Variants in SGIP1 observed in about 807,000 individuals in gnomAD.
SGIP1 encodes the protein SH3-containing GRB2-like protein 3-interacting protein 1.
SGIP1 carries 38 observed loss-of-function variants against 107.5 expected under a neutral mutation model. The observed-to-expected ratio is 0.35, with a 90% CI of 0.27 to 0.46. SGIP1 has a LOEUF of 0.46. Among genes scored for constraint, SGIP1 ranks in the 20% least tolerant of loss-of-function variants. The pLI is 1.00. For synonymous variants in SGIP1, 365 were observed against 366.1 expected (o/e 1.00, Z 0.03); for missense variants, 929 against 1,019.5 (o/e 0.91, Z 1.21).
chr1:66,664,751 A>G (rs1021667942), intron 8 of SGIP1, among the ~76,000 whole-genome samples: 4 of 152,218 alleles, frequency 2.6e-5, no homozygotes, highest in Non-Finnish European at 5.9e-5. Flanking sequence ...TTTGGGAGGT[A>G]GCCTCTGGTG....
At chr1:66,620,942 A>G (rs1342721780) in intron 1 of SGIP1, among the ~76,000 whole-genome samples, 1 of 152,192 alleles carries the variant, frequency 6.6e-6, no homozygotes, top group Non-Finnish European at 1.5e-5. Context: ...TTTTAACACA[A>G]TTGAGCCAAT....
rs1002604890 is a variant in SGIP1, at chr1:66,534,227, T to C, written c.-132T>C. ...GGCCTGTCTTTTGGCTTAACACTTA[T>C]CTCCTTTGGCTTTGACAGCGGACGG... On this transcript the variant is annotated 5_prime_UTR_variant, in exon 1 of 25. Transcript: ENST00000371037. 22 of 920,340 alleles carry C rather than the reference T, an allele frequency of 2.4e-5. No individual in the cohort carries two copies. Among genetic ancestry groups the C allele is most frequent in the African/African-American group, 1.5e-4 (9 of 61,584 alleles). The allele number at this position is 920,340 out of a possible 1,614,324, so 57.0% of individuals were successfully genotyped here.
chr1:66,715,453 T>C (rs916918360), intron 18 of SGIP1, among the ~76,000 whole-genome samples: 4 of 151,480 alleles, frequency 2.6e-5, no homozygotes, highest in Non-Finnish European at 5.9e-5. Context: ...TTAACATAGC[T>C]AGAGGATATG....
intron 1 of SGIP1, among the ~76,000 whole-genome samples, chr1:66,616,760 T>C (rs1463750663): frequency 6.6e-6 from 1 of 152,232 alleles, no homozygotes. Flanking sequence ...ACCTATTTCA[T>C]GACCATCTTC....
At chr1:66,719,812 T>C (rs1214819829) in intron 19 of SGIP1, among the ~76,000 whole-genome samples, 2 of 152,028 alleles carry the variant, frequency 1.3e-5, no homozygotes, top group African/African-American at 2.4e-5. Flanking sequence ...CACCCACATA[T>C]AAATTAAAAC....
chr1:66,719,678 C>T (rs543266487), intron 19 of SGIP1, among the ~76,000 whole-genome samples: 6 of 152,124 alleles, frequency 3.9e-5, no homozygotes, highest in East Asian at 1.9e-4. Context: ...TCTTTGATTC[C>T]GCTTTGGTTG....
chr1:66,673,989 AC>A (rs5774828), intron 12 of SGIP1, among the ~76,000 whole-genome samples: 1 of 151,456 alleles, frequency 6.6e-6, no homozygotes, highest in Non-Finnish European at 1.5e-5. Context: ...ACATACGGAG[AC>A]CCCCATCTCT....
intron 3 of SGIP1, chr1:66,634,017 G>A: frequency 7.0e-7 from 1 of 1,432,418 alleles, no homozygotes; most frequent in Non-Finnish European, 9.6e-7. Context: ...ACCATGAAAT[G>A]TTAAGAAAAT....
At chr1:66,617,338 C>G (rs2069616739) in intron 1 of SGIP1, among the ~76,000 whole-genome samples, 1 of 152,190 alleles carries the variant, frequency 6.6e-6, no homozygotes. Flanking sequence ...ACTGGACCAA[C>G]TGGCCTCCAT....
At chr1:66,725,273 C>G (rs2093702800) in intron 19 of SGIP1, among the ~76,000 whole-genome samples, 1 of 152,200 alleles carries the variant, frequency 6.6e-6, no homozygotes, top group Non-Finnish European at 1.5e-5. Flanking sequence ...CTTATACCTA[C>G]AAGGTTATAG....
At chr1:66,737,595 T>A (rs1331934325) in intron 21 of SGIP1, among the ~76,000 whole-genome samples, 1 of 152,214 alleles carries the variant, frequency 6.6e-6, no homozygotes, top group Non-Finnish European at 1.5e-5. Flanking sequence ...AGCTTTCTAC[T>A]GGCCACTGAC....
intron 18 of SGIP1, among the ~76,000 whole-genome samples, chr1:66,712,616 CTT>C (rs2092992306): frequency 6.6e-6 from 1 of 151,928 alleles, no homozygotes; most frequent in Non-Finnish European, 1.5e-5. Flanking sequence ...TAAAAAGTCT[CTT>C]TCTCTTCTTT....
chr1:66,575,939 A>G (rs1304999290), intron 1 of SGIP1, among the ~76,000 whole-genome samples: 2 of 152,202 alleles, frequency 1.3e-5, no homozygotes, highest in African/African-American at 2.4e-5. Flanking sequence ...TTTCGTCAGT[A>G]CGCTAGGAGC....
intron 19 of SGIP1, among the ~76,000 whole-genome samples, chr1:66,721,937 C>T (rs2093557288): frequency 6.6e-6 from 1 of 152,122 alleles, no homozygotes; most frequent in Admixed American, 6.5e-5. Flanking sequence ...AAAATCCTCC[C>T]ATCTTGTTCA....
At chr1:66,605,645 C>T (rs2066676107) in intron 1 of SGIP1, among the ~76,000 whole-genome samples, 1 of 151,748 alleles carries the variant, frequency 6.6e-6, no homozygotes, top group African/African-American at 2.4e-5. Flanking sequence ...CAATGACTCA[C>T]AACCCCTTTA....
At position 66,745,024 on chromosome 1, in the gene SGIP1, T is replaced by C. The variant is rs879849424; in HGVS notation, c.*1929T>C. 5 of 152,482 alleles carry C rather than the reference T, an allele frequency of 3.3e-5. No individual in the cohort carries two copies. The highest frequency in any genetic ancestry group is 5.9e-5 in the Non-Finnish European group (4 of 67,896). 9.4% of individuals were successfully genotyped at this position (152,482 alleles called of 1,614,324 possible). A position where few individuals can be genotyped will look rare whatever the true frequency, so the allele number is the denominator to read the frequency against. ...ATGAATATAACAATGTGTTTTTAAG[T>C]AATCAATTCATTTAAAAAATTGAAT... On this transcript the variant is annotated 3_prime_UTR_variant, in exon 25 of 25. Coordinates refer to ENST00000371037, the MANE Select transcript of SGIP1 (RefSeq NM_032291.4).
In SGIP1 at chr1:66,745,626, CA is replaced by C. The variant is rs1165206721; in HGVS notation, c.*2535del. 1 of 151,920 alleles carries C rather than the reference CA, an allele frequency of 6.6e-6. No homozygotes were observed. Among genetic ancestry groups the C allele is most frequent in the African/African-American group, 2.4e-5 (1 of 41,410 alleles). 9.4% of individuals were successfully genotyped at this position (151,920 alleles called of 1,614,324 possible). On this transcript the variant is annotated 3_prime_UTR_variant, in exon 25 of 25. Transcript: ENST00000371037. Reference sequence around the variant, plus strand: ...TATTCATTTTATTCCCAAGTCAGAACAAAATGAACTAGTAGGTAATAAAACT... The same window carrying C: ...TATTCATTTTATTCCCAAGTCAGAACAAATGAACTAGTAGGTAATAAAACT...
intron 1 of SGIP1, among the ~76,000 whole-genome samples, chr1:66,605,779 T>G (rs2066708154): frequency 6.6e-6 from 1 of 152,122 alleles, no homozygotes; most frequent in Non-Finnish European, 1.5e-5. Context: ...GGATACAACG[T>G]TTTAGCATTA....
intron 10 of SGIP1, 81 bp from the exon 11 acceptor site, chr1:66,671,863 A>C (rs1274596031): frequency 7.5e-7 from 1 of 1,342,274 alleles, no homozygotes; most frequent in East Asian, 2.4e-5. Context: ...TAAATCTCTA[A>C]GTGTTTCCAA....
Sources: allele counts gnomAD v4.1 joint callset (sites outside exome capture counted in the v4.1 genomes callset), GRCh38; gene constraint gnomAD v4.1.1; transcripts MANE v1.5; gene names NCBI Gene and HGNC (gene_info 2026-07-23, HGNC 2026-07-21).